The following TMPRSS11F variants were observed in gnomAD, a reference collection of about 807,000 sequenced individuals.
TMPRSS11F encodes transmembrane serine protease 11F, also known as transmembrane protease serine 11F.
In TMPRSS11F, 47 loss-of-function variants were observed where a neutral mutation model predicts 60.2. The ratio of observed to expected loss-of-function variants is 0.78; its 90% CI spans 0.62 to 1.00. The LOEUF (loss-of-function observed/expected upper bound fraction) is 1.00. Among genes scored for constraint, TMPRSS11F ranks in the 50% least tolerant of loss-of-function variants. The pLI is 0.00. For missense variants in TMPRSS11F, 519 were observed against 522.9 expected, an observed-to-expected ratio of 0.99 and a Z score of 0.07; for synonymous variants, 166 against 167.3, an observed-to-expected ratio of 0.99 and a Z score of 0.06.
At chr4:68,066,441 G>A (rs533380410) in intron 7 of TMPRSS11F, among the ~76,000 whole-genome samples, 38 of 152,204 alleles carry the variant, frequency 2.5e-4, no homozygotes, top group Non-Finnish European at 5.3e-4. Flanking sequence ...CCAGAAGTTC[G>A]GTGATTTGTG....
chr4:68,069,999 T>C lies in TMPRSS11F; in HGVS notation c.523A>G (p.Ser175Gly), dbSNP rs924338568. ...TTGAGAAGATTCCTCATCTTTTTGC[T>C]GTCAATAGCTGGAATAAGCAAAACA... is the stretch of plus-strand genomic sequence containing the variant. ...KPSFRLTPID[S>G]KKMRNLLNSR... is the part of the protein sequence containing the mutation. The change falls in exon 6 of 10, where the codon AGC becomes GGC. Residue 175 changes from serine (S) to glycine (G), a missense_variant. By Grantham distance (56) the Ser-to-Gly change is moderately conservative. Transcript: ENST00000356291. The C allele has an allele frequency of 4.4e-6, 7 of 1,603,450 alleles. No individual in the cohort carries two copies. The highest frequency in any genetic ancestry group is 6.0e-6 in the Non-Finnish European group (7 of 1,174,460).
intron 9 of TMPRSS11F, 66 bp downstream of exon 9, chr4:68,059,260 T>A: frequency 6.4e-7 from 1 of 1,564,838 alleles, no homozygotes; most frequent in Non-Finnish European, 8.7e-7. Context: ...GTAAAATATA[T>A]GCCAAACTCA....
At chr4:68,074,999 T>A (rs9999396) in intron 3 of TMPRSS11F, among the ~76,000 whole-genome samples, 60,499 of 151,780 alleles carry the variant, frequency 0.4, 13,213 homozygotes, top group Non-Finnish European at 0.51. Context: ...GATTAAAAAA[T>A]TTTTTTAAAA....
At chr4:68,066,914 A>G (rs192221673) in intron 7 of TMPRSS11F, among the ~76,000 whole-genome samples, 22 of 151,734 alleles carry the variant, frequency 1.4e-4, no homozygotes, top group African/African-American at 5.3e-4. Context: ...GGCCTGGGCA[A>G]AAGAGCGAGA....
chr4:68,112,449 T>C (rs181809827), intron 1 of TMPRSS11F, among the ~76,000 whole-genome samples: 1 of 152,196 alleles, frequency 6.6e-6, no homozygotes, highest in African/African-American at 2.4e-5. Flanking sequence ...ATGTTATTTG[T>C]TGTGCTCTCT....
intron 1 of TMPRSS11F, among the ~76,000 whole-genome samples, chr4:68,119,946 A>G (rs1191883817): frequency 6.6e-6 from 1 of 152,188 alleles, no homozygotes; most frequent in African/African-American, 2.4e-5. Context: ...TGATTTATGG[A>G]GGGAAGGTCA....
At chr4:68,120,472 T>C (rs1015139781) in intron 1 of TMPRSS11F, among the ~76,000 whole-genome samples, 6 of 147,448 alleles carry the variant, frequency 4.1e-5, no homozygotes, top group Admixed American at 6.8e-5. Context: ...CACTGCAAGC[T>C]CCGCCTCCCG....
chr4:68,098,735 T>A, intron 2 of TMPRSS11F, 152 bp downstream of exon 2: 1 of 653,268 alleles, frequency 1.5e-6, no homozygotes, highest in South Asian at 2.8e-5. Flanking sequence ...AACACAGAGC[T>A]CAATACAGAA....
At chr4:68,068,869 G>A in intron 6 of TMPRSS11F, 50 bp from the exon 7 acceptor site, 1 of 1,585,816 alleles carries the variant, frequency 6.3e-7, no homozygotes, top group Non-Finnish European at 8.7e-7. Flanking sequence ...GAGGAAAAAA[G>A]TATATTCTGA....
intron 9 of TMPRSS11F, among the ~76,000 whole-genome samples, chr4:68,056,324 G>T (rs1723044620): frequency 1.3e-5 from 2 of 151,662 alleles, no homozygotes. Context: ...AATTCAGTAA[G>T]TTTGCAGAAT....
At chr4:68,062,350 G>A in intron 8 of TMPRSS11F, 1 of 474,674 alleles carries the variant, frequency 2.1e-6, no homozygotes, top group East Asian at 5.9e-5. Flanking sequence ...TCCCAAACAA[G>A]CTCTATCAGA....
chr4:68,068,530 C>G, intron 7 of TMPRSS11F, 88 bp downstream of exon 7: 1 of 1,133,310 alleles, frequency 8.8e-7, no homozygotes, highest in East Asian at 2.4e-5. Context: ...AAAGGTTAAA[C>G]TGGAGAGACT....
intron 1 of TMPRSS11F, among the ~76,000 whole-genome samples, chr4:68,115,878 TGA>T (rs1560411431): frequency 6.6e-6 from 1 of 152,136 alleles, no homozygotes; most frequent in Non-Finnish European, 1.5e-5. Flanking sequence ...CCTTAAAAAT[TGA>T]GAGAGATATA....
intron 2 of TMPRSS11F, among the ~76,000 whole-genome samples, chr4:68,095,621 G>A (rs1724056660): frequency 6.6e-6 from 1 of 152,186 alleles, no homozygotes; most frequent in African/African-American, 2.4e-5. Context: ...GCCCTGGCCA[G>A]AAGCGGTGGC....
chr4:68,104,798 G>A (rs138061730), intron 1 of TMPRSS11F, among the ~76,000 whole-genome samples: 223 of 152,218 alleles, frequency 1.5e-3, no homozygotes, highest in African/African-American at 5.2e-3. Flanking sequence ...CTACTAATGT[G>A]ATGCATCACA....
chr4:68,091,081 A>G lies in TMPRSS11F; in HGVS notation c.164-440T>C, dbSNP rs551404315. Among the ~76,000 whole-genome samples, 23 of 152,240 alleles carry G rather than the reference A, an allele frequency of 1.5e-4. No individual in the cohort carries two copies. In the South Asian group the frequency reaches 4.8e-3, roughly 32 times the overall value. On this transcript the variant is annotated intron_variant, in intron 2 of 9. Coordinates refer to ENST00000356291, the MANE Select transcript of TMPRSS11F (RefSeq NM_207407.2). ...GCTAAGCTTACTTAAGTAGAAGTCC[A>G]TATTTATTGTTTTCACCTTCTTTTT... is the stretch of plus-strand genomic sequence containing the variant.
At chr4:68,085,929 G>A (rs1723802752) in intron 3 of TMPRSS11F, among the ~76,000 whole-genome samples, 1 of 152,096 alleles carries the variant, frequency 6.6e-6, no homozygotes, top group Non-Finnish European at 1.5e-5. Context: ...CAATTATGGT[G>A]GGAAACATCA....
At chr4:68,117,647 G>T (rs1724554489) in intron 1 of TMPRSS11F, among the ~76,000 whole-genome samples, 1 of 152,058 alleles carries the variant, frequency 6.6e-6, no homozygotes, top group African/African-American at 2.4e-5. Flanking sequence ...ATGGTTGTTA[G>T]GTTGAATAGA....
chr4:68,108,456 T>A (rs898123978), intron 1 of TMPRSS11F, among the ~76,000 whole-genome samples: 14 of 152,082 alleles, frequency 9.2e-5, no homozygotes, highest in African/African-American at 3.4e-4. Flanking sequence ...TGAGACACAT[T>A]TGCAAGAATT....
Sources: gnomAD v4.1 joint callset for allele counts (sites outside exome capture counted in the v4.1 genomes callset) on GRCh38, gnomAD v4.1.1 for gene constraint, MANE v1.5 for transcripts, NCBI Gene and HGNC (gene_info 2026-07-23, HGNC 2026-07-21) for gene names.